NRP2: variants seen among roughly 807,000 people sequenced by gnomAD.
NRP2 encodes the protein neuropilin-2.
A neutral mutation model predicts 110.4 loss-of-function variants in NRP2; 52 were observed. The observed-to-expected ratio is 0.47, with a 90% confidence interval of 0.38 to 0.59. The LOEUF is 0.59. NRP2 is among the 20% of genes least tolerant of loss of function. NRP2 has a pLI of 0.00. For synonymous variants in NRP2, 508 were observed against 468.9 expected (o/e 1.08, Z -1.08); for missense variants, 1,049 against 1,203.0 (o/e 0.87, Z 1.89).
chr2:205,702,173 C>T (rs1047601550), intron 2 of NRP2, among the ~76,000 whole-genome samples: 2 of 152,120 alleles, frequency 1.3e-5, no homozygotes, highest in African/African-American at 2.4e-5. Context: ...TCTATCAATC[C>T]TCCTGCTTTC....
chr2:205,716,427 A>G, intron 3 of NRP2, 53 bp downstream of exon 3: 1 of 1,595,418 alleles, frequency 6.3e-7, no homozygotes, highest in Non-Finnish European at 8.6e-7. Context: ...GAGAAGAAGG[A>G]GGGACAGCAC....
rs752127817 is a variant in NRP2 at position 205,723,916 on chromosome 2, C to A, written c.796C>A (p.Leu266Met). ...GGATGGCTTCTCTGCGCGTTACTAC[C>A]TGGTCCACCAAGAGCCACTAGAGAG... ...AKDGFSARYY[L>M]VHQEPLENFQ... The change falls in exon 5 of 17, where the codon CTG becomes ATG. Residue 266 changes from leucine (L) to methionine (M), a missense_variant. Transcript: ENST00000357785. 1 of 1,614,150 alleles carries A rather than the reference C, an allele frequency of 6.2e-7. No homozygotes were observed. Among genetic ancestry groups the A allele is most frequent in the South Asian group, 1.1e-5 (1 of 91,072 alleles).
intron 15 of NRP2, among the ~76,000 whole-genome samples, chr2:205,787,453 T>A (rs1210053188): frequency 6.6e-6 from 1 of 152,156 alleles, no homozygotes; most frequent in African/African-American, 2.4e-5. Context: ...CTGTCTTAAA[T>A]TATTTACCCA....
In NRP2 at chr2:205,728,061, C is replaced by T; in HGVS notation, c.1146+15C>T. 1.2e-6 allele frequency: 2 copies of T among 1,613,974 alleles called. No individual in the cohort carries two copies. Among genetic ancestry groups the T allele is most frequent in the Non-Finnish European group, 1.7e-6 (2 of 1,180,006 alleles). On this transcript the variant is annotated intron_variant, in intron 7 of 16. Coordinates refer to ENST00000357785, the MANE Select transcript of NRP2 (RefSeq NM_003872.3). The stretch of plus-strand genomic sequence containing the variant: ...AAAACCACAAGGTAAATCCATGATC[C>T]TACCTTAAAGGCACATTGGACCAGG...
Position 205,740,611 on chromosome 2 carries a change from C to A in NRP2, c.1239C>A (p.Thr413=). ...LTRFVRIRPQ[T]WHSGIALRLE... ...GGTTTGTTAGAATCCGCCCTCAGAC[C>A]TGGCACTCAGGTATCGCCCTCCGGC... is the stretch of plus-strand genomic sequence containing the variant. The change falls in exon 8 of 17, where the codon ACC becomes ACA. Residue 413 remains threonine (T), a synonymous_variant. Transcript: ENST00000357785. The A allele has an allele frequency of 6.2e-7, 1 of 1,614,258 alleles. No individual in the cohort carries two copies. Among genetic ancestry groups the A allele is most frequent in the Non-Finnish European group, 8.5e-7 (1 of 1,180,056 alleles).
chr2:205,765,259 T>A (rs2057895129), intron 13 of NRP2, among the ~76,000 whole-genome samples: 1 of 152,200 alleles, frequency 6.6e-6, no homozygotes, highest in Admixed American at 6.5e-5. Flanking sequence ...CTTATCCCCT[T>A]AAATATGCGT....
At position 205,733,780 on chromosome 2, in the gene NRP2, C is replaced by T. The variant is rs779467382; in HGVS notation, c.1146+5734C>T. 2.6e-5 allele frequency among the ~76,000 whole-genome samples: 4 copies of T among 152,132 alleles called. No individual in the cohort carries two copies. The East Asian group carries it at 5.8e-4, about 22-fold the overall frequency. ...TTGCTCTGATCCTGTGCTCCTCCCC[C>T]GCCTGCTCTTCTCCAGCCCCACCCC... On this transcript the variant is annotated intron_variant, in intron 7 of 16. Transcript: ENST00000357785.
chr2:205,777,226 A>T, intron 15 of NRP2: 6 of 860,778 alleles, frequency 7.0e-6, no homozygotes, highest in Non-Finnish European at 8.4e-6. Flanking sequence ...GCCACATGGG[A>T]TGCAGTGTGG....
chr2:205,708,247 C>G (rs567390404), intron 2 of NRP2, among the ~76,000 whole-genome samples: 3 of 152,278 alleles, frequency 2.0e-5, no homozygotes, highest in African/African-American at 7.2e-5. Flanking sequence ...GCCCCCAAAG[C>G]CTTAAACTTC....
intron 12 of NRP2, among the ~76,000 whole-genome samples, chr2:205,754,323 G>T (rs1430448550): frequency 6.6e-6 from 1 of 152,210 alleles, no homozygotes; most frequent in African/African-American, 2.4e-5. Flanking sequence ...CCCGGTGGGG[G>T]CAGTGGGACA....
chr2:205,785,323 A>G (rs2105964876), intron 15 of NRP2, among the ~76,000 whole-genome samples: 1 of 152,294 alleles, frequency 6.6e-6, no homozygotes, highest in Middle Eastern at 3.4e-3. Flanking sequence ...GAGAAATTTC[A>G]AAGCCCACTG....
intron 7 of NRP2, among the ~76,000 whole-genome samples, 167 bp from the exon 8 acceptor site, chr2:205,740,352 T>C (rs888151269): frequency 3.3e-5 from 5 of 152,190 alleles, no homozygotes; most frequent in African/African-American, 1.2e-4. Flanking sequence ...AATTAATTTT[T>C]TTTACAGTGT....
intron 15 of NRP2, among the ~76,000 whole-genome samples, chr2:205,772,489 A>G (rs2058037573): frequency 6.6e-6 from 1 of 152,256 alleles, no homozygotes; most frequent in South Asian, 2.1e-4. Context: ...CTTGGAGTTC[A>G]GTTATTGACT....
intron 15 of NRP2, among the ~76,000 whole-genome samples, chr2:205,787,002 A>T (rs2058243172): frequency 6.6e-6 from 1 of 152,202 alleles, no homozygotes; most frequent in Non-Finnish European, 1.5e-5. Flanking sequence ...CCTTTTGTTC[A>T]GAAGTTGCCT....
intron 7 of NRP2, among the ~76,000 whole-genome samples, chr2:205,735,281 C>T (rs2057323080): frequency 6.6e-6 from 1 of 152,014 alleles, no homozygotes; most frequent in South Asian, 2.1e-4. Context: ...GGCTGCAAAG[C>T]TCACTGTCCT....
chr2:205,697,312 C>CTGTGTGTGTGTGTGTGTGTGTGTGTGTG lies in NRP2; in HGVS notation c.74-226_74-199dup, dbSNP rs3072627. On this transcript the variant is annotated intron_variant, in intron 1 of 16. Transcript: ENST00000357785. The stretch of plus-strand genomic sequence containing the variant: ...TGGCCATGTTCTGGAATACTTTCAT[C>CTGTGTGTGTGTGTGTGTGTGTGTGTGTG]TGTGTGTGTGTGTGTGTGTGTGTGT... 2.3e-3 allele frequency among the ~76,000 whole-genome samples: 312 copies of CTGTGTGTGTGTGTGTGTGTGTGTGTGTG among 137,928 alleles called. 3 individuals carry two copies. Among genetic ancestry groups the CTGTGTGTGTGTGTGTGTGTGTGTGTGTG allele is most frequent in the African/African-American group, 8.1e-3 (280 of 34,710 alleles). The allele number at this position is 137,928 out of a possible 152,430, so 90.5% of individuals were successfully genotyped here.
At chr2:205,723,326 T>C (rs1411262535) in intron 4 of NRP2, among the ~76,000 whole-genome samples, 2 of 152,176 alleles carry the variant, frequency 1.3e-5, no homozygotes, top group Non-Finnish European at 2.9e-5. Context: ...TCATTGTAAG[T>C]TTTTTCTAAT....
At chr2:205,735,427 G>A (rs889589114) in intron 7 of NRP2, among the ~76,000 whole-genome samples, 3 of 147,912 alleles carry the variant, frequency 2.0e-5, no homozygotes, top group Admixed American at 1.3e-4. Context: ...TCAGTAATGC[G>A]TTCTGGCTGG....
intron 5 of NRP2, 119 bp downstream of exon 5, chr2:205,724,059 T>C (rs988119168): frequency 3.6e-5 from 42 of 1,173,168 alleles, no homozygotes; most frequent in Non-Finnish European, 5.1e-5. Context: ...GAATTTATGG[T>C]GGCATCTGAG....
Sources: allele counts gnomAD v4.1 joint callset (sites outside exome capture counted in the v4.1 genomes callset), GRCh38; gene constraint gnomAD v4.1.1; transcripts MANE v1.5; gene names NCBI Gene and HGNC (gene_info 2026-07-23, HGNC 2026-07-21).